Variants in GRM1 observed in about 807,000 individuals in gnomAD.
The protein encoded by GRM1 is glutamate metabotropic receptor 1.
A neutral mutation model predicts 90.9 loss-of-function variants in GRM1; 33 were observed. The ratio of observed to expected loss-of-function variants is 0.36; its 90% CI spans 0.28 to 0.49. The LOEUF (loss-of-function observed/expected upper bound fraction) is 0.49, where lower values mean the gene tolerates loss of function less well. GRM1 is among the 20% of genes least tolerant of loss of function. The probability of loss-of-function intolerance (pLI) is 0.99; values close to 1 mark genes in which losing one functional copy is unlikely to be tolerated. For synonymous variants in GRM1, 700 were observed against 613.2 expected (o/e 1.14, Z -2.09); for missense variants, 1,190 against 1,534.3 (o/e 0.78, Z 3.75).
intron 2 of GRM1, among the ~76,000 whole-genome samples, chr6:146,205,247 A>G (rs963765789): frequency 1.3e-5 from 2 of 152,186 alleles, no homozygotes; most frequent in Non-Finnish European, 2.9e-5. Context: ...CACAAAGCTA[A>G]TTTCTTTCTT....
intron 2 of GRM1, among the ~76,000 whole-genome samples, chr6:146,198,225 C>T (rs761835292): frequency 2.0e-4 from 31 of 152,182 alleles, no homozygotes; most frequent in Non-Finnish European, 4.3e-4. Flanking sequence ...ATGCCACATC[C>T]AGCATAGCAG....
chr6:146,051,290 A>C (rs1005395764), intron 1 of GRM1, among the ~76,000 whole-genome samples: 18 of 152,178 alleles, frequency 1.2e-4, no homozygotes, highest in African/African-American at 4.3e-4. Flanking sequence ...AAACATACAC[A>C]CATAAGCTAA....
intron 2 of GRM1, among the ~76,000 whole-genome samples, chr6:146,187,914 G>A (rs545061021): frequency 1.5e-4 from 23 of 152,132 alleles, no homozygotes; most frequent in African/African-American, 5.3e-4. Context: ...TAGTAGAATA[G>A]TTGTTTATTT....
At position 146,370,826 on chromosome 6, in the gene GRM1, AC is replaced by A. The variant is rs143932332; in HGVS notation, c.1602+13135del. Among the ~76,000 whole-genome samples, 292 of 152,178 alleles carry A rather than the reference AC, an allele frequency of 1.9e-3. 1 individual carries two copies. The highest frequency in any genetic ancestry group is 6.9e-3 in the African/African-American group (287 of 41,542). On this transcript the variant is annotated intron_variant, in intron 5 of 7. Coordinates refer to ENST00000282753, the MANE Select transcript of GRM1 (RefSeq NM_001278064.2). ...TTGCAAAATGTACACAATTAACTGC[AC>A]CCTGTGGAGTAATCAAGATTCGTGT...
intron 1 of GRM1, among the ~76,000 whole-genome samples, chr6:146,149,647 T>G (rs1320586938): frequency 6.6e-6 from 1 of 152,132 alleles, no homozygotes; most frequent in Non-Finnish European, 1.5e-5. Flanking sequence ...ACCAGGTTGA[T>G]TTGCCTTTAA....
rs181863136 is a variant in GRM1 at position 146,352,682 on chromosome 6, A to T, written c.1433+186A>T. Among the ~76,000 whole-genome samples, 247 of 152,280 alleles carry T rather than the reference A, an allele frequency of 1.6e-3. 1 individual carries two copies. Among genetic ancestry groups the T allele is most frequent in the Admixed American group, 7.7e-3 (118 of 15,294 alleles). On this transcript the variant is annotated intron_variant, in intron 4 of 7. Transcript: ENST00000282753. The stretch of plus-strand genomic sequence containing the variant: ...AGACCACACCACTTTTTAAGACATT[A>T]AAATACTTCTTTTTCAACACCCAAT...
At position 146,301,183 on chromosome 6, in the gene GRM1, C is replaced by T. The variant is rs1395785529; in HGVS notation, c.951-3428C>T. 3.3e-5 allele frequency among the ~76,000 whole-genome samples: 5 copies of T among 151,974 alleles called. No individual in the cohort carries two copies. In the South Asian group the frequency reaches 8.3e-4, roughly 25 times the overall value. On this transcript the variant is annotated intron_variant, in intron 2 of 7. Transcript: ENST00000282753. ...TCCTACTTGAATGTTTTCCTTATAT[C>T]CTGGTTCTCCTTGATTTTATGACCT...
intron 7 of GRM1, among the ~76,000 whole-genome samples, chr6:146,405,159 G>A (rs888690913): frequency 2.6e-5 from 4 of 152,146 alleles, no homozygotes; most frequent in African/African-American, 9.7e-5. Context: ...GTGCTATAAA[G>A]TCATCCAAAG....
At chr6:146,241,596 C>G (rs2114734710) in intron 2 of GRM1, among the ~76,000 whole-genome samples, 1 of 152,246 alleles carries the variant, frequency 6.6e-6, no homozygotes, top group South Asian at 2.1e-4. Flanking sequence ...AATTCCCTCC[C>G]TTAGGTTCCC....
chr6:146,314,479 AAT>A (rs1783894846), intron 3 of GRM1, among the ~76,000 whole-genome samples: 1 of 152,202 alleles, frequency 6.6e-6, no homozygotes, highest in South Asian at 2.1e-4. Flanking sequence ...AGCTGCTATG[AAT>A]ATCTTTATAC....
chr6:146,266,954 G>A (rs935395145), intron 2 of GRM1, among the ~76,000 whole-genome samples: 5 of 152,152 alleles, frequency 3.3e-5, no homozygotes, highest in African/African-American at 9.7e-5. Context: ...AGGTAAACAC[G>A]TGCCACAGTA....
intron 3 of GRM1, among the ~76,000 whole-genome samples, chr6:146,321,131 A>G (rs1429612498): frequency 1.3e-5 from 2 of 152,104 alleles, no homozygotes; most frequent in African/African-American, 4.8e-5. Context: ...TTCCCTTTAA[A>G]CACTGCTTTA....
intron 2 of GRM1, among the ~76,000 whole-genome samples, chr6:146,301,892 G>A (rs1783397515): frequency 1.3e-5 from 2 of 152,074 alleles, no homozygotes; most frequent in African/African-American, 4.8e-5. Flanking sequence ...ATCATATTCA[G>A]CGATGGTAAG....
chr6:146,356,001 G>A (rs1263861552), intron 4 of GRM1, among the ~76,000 whole-genome samples: 1 of 152,140 alleles, frequency 6.6e-6, no homozygotes, highest in East Asian at 1.9e-4. Flanking sequence ...GAACTAGTAA[G>A]GAGCAACCAA....
intron 2 of GRM1, among the ~76,000 whole-genome samples, chr6:146,302,054 T>C (rs1783404569): frequency 6.6e-6 from 1 of 151,872 alleles, no homozygotes; most frequent in Non-Finnish European, 1.5e-5. Context: ...CCCACCCCCA[T>C]CGCATGCCAT....
chr6:146,139,872 GTTCCCTTCCC>G lies in GRM1; in HGVS notation c.701-19439_701-19430del, dbSNP rs554971904. Among the ~76,000 whole-genome samples the G allele has an allele frequency of 9.0e-3, 993 of 110,066 alleles. 13 individuals are homozygous for G. The highest frequency in any genetic ancestry group is 0.012 in the Non-Finnish European group (692 of 57,554). The allele number at this position is 110,066 out of a possible 152,430, so 72.2% of individuals were successfully genotyped here. On this transcript the variant is annotated intron_variant, in intron 1 of 7. Transcript: ENST00000282753. ...TTGTTATTTGTTTTCTGGTTGCTTT[GTTCCCTTCCC>G]TTCCCTTCCCTTCCCTTCCCTTCCC...
intron 1 of GRM1, among the ~76,000 whole-genome samples, chr6:146,141,372 G>T (rs2128884101): frequency 6.7e-6 from 1 of 148,644 alleles, no homozygotes; most frequent in East Asian, 2.0e-4. Flanking sequence ...AGTCTTCTTT[G>T]GGTTAAATCT....
chr6:146,334,913 T>A (rs952453768), intron 3 of GRM1, among the ~76,000 whole-genome samples: 9 of 152,190 alleles, frequency 5.9e-5, no homozygotes, highest in Non-Finnish European at 1.3e-4. Context: ...TGATATATGA[T>A]GAGACTTCGT....
At chr6:146,039,848 G>T (rs1791031768) in intron 1 of GRM1, among the ~76,000 whole-genome samples, 1 of 151,950 alleles carries the variant, frequency 6.6e-6, no homozygotes, top group African/African-American at 2.4e-5. Flanking sequence ...TAAGCCGCAG[G>T]TCTATTTTGT....
Sources: gnomAD v4.1 joint callset for allele counts (sites outside exome capture counted in the v4.1 genomes callset) on GRCh38, gnomAD v4.1.1 for gene constraint, MANE v1.5 for transcripts, NCBI Gene and HGNC (gene_info 2026-07-23, HGNC 2026-07-21) for gene names.